FADS6: variants seen among roughly 807,000 people sequenced by gnomAD.
The protein encoded by FADS6 is fatty acid desaturase domain family, member 6.
Under a neutral mutation model 31.7 loss-of-function variants are expected in FADS6, and 28 were observed. The ratio of observed to expected loss-of-function variants is 0.88; its 90% CI spans 0.66 to 1.21. FADS6 has a LOEUF of 1.21. Among genes scored for constraint, FADS6 ranks in the 50% most tolerant of loss-of-function variants. The pLI is 0.00. For synonymous variants in FADS6, 191 were observed against 213.1 expected, an observed-to-expected ratio of 0.90 and a Z score of 0.90; for missense variants, 494 against 504.2, an observed-to-expected ratio of 0.98 and a Z score of 0.19.
intron 2 of FADS6, among the ~76,000 whole-genome samples, chr17:74,890,853 T>C (rs944892574): frequency 2.0e-5 from 3 of 152,134 alleles, no homozygotes; most frequent in African/African-American, 7.2e-5. Context: ...GCACACATGA[T>C]AGCTATGGTG....
chr17:74,875,273 A>G (rs2038501119), downstream of FADS6, among the ~76,000 whole-genome samples: 1 of 152,240 alleles, frequency 6.6e-6, no homozygotes, highest in Admixed American at 6.5e-5. Context: ...TTAAAATCAG[A>G]TGATGAGGTC....
Position 74,877,672 on chromosome 17 carries a change from C to T in FADS6, c.*659G>A. 5.1e-6 allele frequency: 5 copies of T among 981,772 alleles called. No homozygotes were observed. The highest frequency in any genetic ancestry group is 6.0e-6 in the Non-Finnish European group (5 of 826,608). The allele number at this position is 981,772 out of a possible 1,614,324, so 60.8% of individuals were successfully genotyped here. ...TTTCCCTAACTCTGTCCCTGGGGAA[C>T]CTTCTCCCCTCACTTCCCCTGGAGT... On this transcript the variant is annotated 3_prime_UTR_variant, in exon 6 of 6. Coordinates refer to ENST00000612771, the MANE Select transcript of FADS6 (RefSeq NM_178128.6).
chr17:74,874,840 T>C (rs1020580093), downstream of FADS6, among the ~76,000 whole-genome samples: 1 of 152,206 alleles, frequency 6.6e-6, no homozygotes, highest in Non-Finnish European at 1.5e-5. Context: ...TCTTTACATA[T>C]TGTCTATGGC....
At position 74,879,517 on chromosome 17, in the gene FADS6, C is replaced by A. The variant is rs200986366; in HGVS notation, c.847G>T (p.Val283Leu). Residue 283 changes from valine to leucine, a missense_variant, in exon 5 of 6, where the codon GTG becomes TTG. This residue lies in a region of FADS6 where 454 missense variants were observed against 438.5 expected (regional missense o/e 1.04). Coordinates refer to ENST00000612771, the MANE Select transcript of FADS6 (RefSeq NM_178128.6). ...PRRIHMMSLG[V>L]LNLARLPVLD... is the part of the protein sequence containing the mutation. ...ACGGGCAGCCGGGCCAGGTTAAGCA[C>A]CCCCAGGCTCATCATGTGAATCCGA... 8.9e-5 allele frequency: 144 copies of A among 1,613,840 alleles called. No homozygotes were observed. Among genetic ancestry groups the A allele is most frequent in the Non-Finnish European group, 1.1e-4 (133 of 1,179,868 alleles).
chr17:74,890,270 T>C (rs913248416), intron 2 of FADS6, among the ~76,000 whole-genome samples: 1 of 152,122 alleles, frequency 6.6e-6, no homozygotes, highest in Non-Finnish European at 1.5e-5. Flanking sequence ...CCACCCTGTG[T>C]GGCAGACAAG....
intron 2 of FADS6, among the ~76,000 whole-genome samples, chr17:74,886,337 G>A (rs980176087): frequency 4.6e-5 from 7 of 151,014 alleles, no homozygotes; most frequent in Admixed American, 4.6e-4. Flanking sequence ...GTGCACGCCT[G>A]TACTCCCAGC....
At chr17:74,886,513 TAGA>T (rs896998378) in intron 2 of FADS6, among the ~76,000 whole-genome samples, 10 of 136,426 alleles carry the variant, frequency 7.3e-5, no homozygotes, top group Non-Finnish European at 9.5e-5. Context: ...GAGAAGAACA[TAGA>T]AGAAGAGACT....
rs946472876 is a variant in FADS6 at position 74,892,883 on chromosome 17, CGTGCCTGGTCCTGACTCTCCA to C, written c.245-215_245-195del. On this transcript the variant is annotated intron_variant, in intron 1 of 5. Coordinates refer to ENST00000612771, the MANE Select transcript of FADS6 (RefSeq NM_178128.6). ...GCCCCTCCAGCGGTCCTGACTCTCC[CGTGCCTGGTCCTGACTCTCCA>C]GTGCGTGGTCCTGGGCCCCCAGCCA... is the stretch of plus-strand genomic sequence containing the variant. Among the ~76,000 whole-genome samples, 12 of 152,208 alleles carry C rather than the reference CGTGCCTGGTCCTGACTCTCCA, an allele frequency of 7.9e-5. No homozygotes were observed. In the East Asian group the frequency reaches 1.2e-3, roughly 15 times the overall value.
At chr17:74,888,396 TAAG>T (rs1459934111) in intron 2 of FADS6, among the ~76,000 whole-genome samples, 1 of 152,066 alleles carries the variant, frequency 6.6e-6, no homozygotes. Flanking sequence ...ATTAAAAAAA[TAAG>T]AAGTTGTAGT....
chr17:74,878,571 C>T, intron 5 of FADS6, 94 bp from the exon 6 acceptor site: 1 of 1,459,386 alleles, frequency 6.9e-7, no homozygotes, highest in South Asian at 1.3e-5. Context: ...TCTTCCCACC[C>T]CCAGTTCCTA....
At chr17:74,887,013 C>T (rs2038630217) in intron 2 of FADS6, among the ~76,000 whole-genome samples, 1 of 150,900 alleles carries the variant, frequency 6.6e-6, no homozygotes, top group African/African-American at 2.4e-5. Context: ...TCCCTGGCCT[C>T]TACACACTAG....
chr17:74,892,476 C>A, intron 2 of FADS6, 47 bp downstream of exon 2: 1 of 1,575,030 alleles, frequency 6.3e-7, no homozygotes, highest in Non-Finnish European at 8.6e-7. Flanking sequence ...AATGAGGCTG[C>A]CACACGGTCC....
chr17:74,884,011 C>T (rs1213901357), intron 2 of FADS6, among the ~76,000 whole-genome samples: 2 of 152,144 alleles, frequency 1.3e-5, no homozygotes, highest in African/African-American at 4.8e-5. Context: ...TAAGCATTGT[C>T]GGACCCCCAG....
intron 2 of FADS6, among the ~76,000 whole-genome samples, chr17:74,886,318 A>C (rs1198224607): frequency 7.8e-6 from 1 of 128,758 alleles, no homozygotes; most frequent in South Asian, 2.5e-4. Flanking sequence ...AAATTAGCAG[A>C]GCGTGGTGGT....
intron 2 of FADS6, 89 bp from the exon 3 acceptor site, chr17:74,882,799 A>C (rs774538277): frequency 2.6e-6 from 4 of 1,537,508 alleles, no homozygotes; most frequent in Non-Finnish European, 3.5e-6. Flanking sequence ...GAACACCCCC[A>C]CCTCCTCAAA....
In FADS6 at chr17:74,893,382, G is replaced by C. The variant is rs986223316; in HGVS notation, c.214C>G (p.Leu72Val). ...GGCAAGGCGAAGAGGCTGAGCGCGAGGATGGCGCAGTCCACGCCGTGGCGC... is the reference window on the plus strand; with the variant it reads ...GGCAAGGCGAAGAGGCTGAGCGCGACGATGGCGCAGTCCACGCCGTGGCGC... ...WERHGVDCAI[L>V]ALSLFALPAG... Residue 72 changes from leucine to valine, a missense_variant, in exon 1 of 6, where the codon CTC becomes GTC. By Grantham distance (32) the Leu-to-Val change is conservative. Coordinates refer to ENST00000612771, the MANE Select transcript of FADS6 (RefSeq NM_178128.6). 2 of 1,533,398 alleles carry C rather than the reference G, an allele frequency of 1.3e-6. No homozygotes were observed. The highest frequency in any genetic ancestry group is 1.4e-5 in the African/African-American group (1 of 70,160). The allele number at this position is 1,533,398 out of a possible 1,614,324, so 95.0% of individuals were successfully genotyped here.
chr17:74,882,270 T>G (rs957159854), intron 3 of FADS6, among the ~76,000 whole-genome samples: 1 of 152,182 alleles, frequency 6.6e-6, no homozygotes, highest in Non-Finnish European at 1.5e-5. Context: ...GACCTCATTT[T>G]CTTTCACACC....
rs1555625288 is a variant in FADS6 at position 74,888,157 on chromosome 17, C to CAG, written c.411+4365_411+4366insCT. On this transcript the variant is annotated intron_variant, in intron 2 of 5. Coordinates refer to ENST00000612771, the MANE Select transcript of FADS6 (RefSeq NM_178128.6). The stretch of plus-strand genomic sequence containing the variant: ...ACACACACACACACACACACACACG[C>CAG]GCGCGCGCGCGCGCGCAGAGTACCA... Among the ~76,000 whole-genome samples the CAG allele has an allele frequency of 1.4e-4, 15 of 108,912 alleles. 1 individual carries two copies. Among genetic ancestry groups the CAG allele is most frequent in the South Asian group, 3.1e-4 (1 of 3,240 alleles). 71.5% of individuals were successfully genotyped at this position (108,912 alleles called of 152,430 possible).
rs111400905 is a variant in FADS6 at position 74,889,066 on chromosome 17, G to C, written c.411+3457C>G. ...GTGGAACACAAATGGGTCTTCGGAG[G>C]TTGGATACTTTAGGAGAGAAACAAC... is the stretch of plus-strand genomic sequence containing the variant. On this transcript the variant is annotated intron_variant, in intron 2 of 5. Coordinates refer to ENST00000612771, the MANE Select transcript of FADS6 (RefSeq NM_178128.6). 2.5e-4 allele frequency among the ~76,000 whole-genome samples: 38 copies of C among 152,298 alleles called. 1 individual carries two copies. The highest frequency in any genetic ancestry group is 8.9e-4 in the African/African-American group (37 of 41,558).
Sources: allele counts gnomAD v4.1 joint callset (sites outside exome capture counted in the v4.1 genomes callset), GRCh38; gene constraint gnomAD v4.1.1; regional missense constraint gnomAD v4.1.1; transcripts MANE v1.5; gene names NCBI Gene and HGNC (gene_info 2026-07-23, HGNC 2026-07-21).